The following CREB5 variants were observed in gnomAD, a reference collection of about 807,000 sequenced individuals.
The protein encoded by CREB5 is cyclic AMP-responsive element-binding protein 5.
CREB5 carries 19 observed loss-of-function variants against 57.1 expected under a neutral mutation model. The ratio of observed to expected loss-of-function variants is 0.33; its 90% CI spans 0.23 to 0.49. CREB5 has a LOEUF of 0.49. CREB5 is among the 20% of genes least tolerant of loss of function. The pLI, the probability that CREB5 is intolerant of heterozygous loss-of-function variation, is 0.99. For synonymous variants in CREB5, 238 were observed against 238.3 expected (o/e 1.00, Z 0.01); for missense variants, 579 against 671.6 (o/e 0.86, Z 1.52).
chr7:28,553,291 A>G (rs1400475898), intron 4 of CREB5, among the ~76,000 whole-genome samples: 2 of 152,190 alleles, frequency 1.3e-5, no homozygotes, highest in East Asian at 3.8e-4. Context: ...TTTTGTGTAA[A>G]CATGTTGCTT....
At chr7:28,686,310 C>G in intron 5 of CREB5, 2 of 754,778 alleles carry the variant, frequency 2.6e-6, no homozygotes, top group Non-Finnish European at 4.5e-6. Context: ...TTTTCTCCCC[C>G]TTCTCCCTTT....
upstream of CREB5, among the ~76,000 whole-genome samples, chr7:28,411,133 A>G (rs1787779146): frequency 6.6e-6 from 1 of 152,182 alleles, no homozygotes; most frequent in Admixed American, 6.5e-5. Flanking sequence ...TAGGGCGAAA[A>G]TGCTTAGTCC....
intron 4 of CREB5, among the ~76,000 whole-genome samples, chr7:28,534,253 T>C (rs893711456): frequency 1.3e-5 from 2 of 152,248 alleles, no homozygotes; most frequent in Admixed American, 1.3e-4. Flanking sequence ...GAGATTACTC[T>C]GTGTGCTGAA....
At chr7:28,324,523 C>T (rs549772172) in intron 1 of CREB5, among the ~76,000 whole-genome samples, 1 of 152,328 alleles carries the variant, frequency 6.6e-6, no homozygotes, top group Admixed American at 6.5e-5. Flanking sequence ...TCCCACCTCA[C>T]TAGCTATTCC....
intron 1 of CREB5, among the ~76,000 whole-genome samples, chr7:28,438,375 G>A (rs959517669): frequency 1.3e-5 from 2 of 152,070 alleles, no homozygotes; most frequent in African/African-American, 4.8e-5. Context: ...GGGGGGTGTC[G>A]GGGCCACTGA....
intron 5 of CREB5, among the ~76,000 whole-genome samples, chr7:28,643,066 C>A (rs1427506088): frequency 6.6e-6 from 1 of 150,574 alleles, no homozygotes; most frequent in Non-Finnish European, 1.5e-5. Context: ...CTTCTAAAGA[C>A]CCTTTGAGAA....
chr7:28,809,312 G>T lies in CREB5; in HGVS notation c.1152G>T (p.Arg384=). 1 of 1,614,184 alleles carries T rather than the reference G, an allele frequency of 6.2e-7. No homozygotes were observed. Among genetic ancestry groups the T allele is most frequent in the Non-Finnish European group, 8.5e-7 (1 of 1,180,044 alleles). ...AGAGGCGGCGGAAATTTCTGGAACGGAACCGGGCAGCTGCCACCCGCTGCA... is the reference window on the plus strand; with the variant it reads ...AGAGGCGGCGGAAATTTCTGGAACGTAACCGGGCAGCTGCCACCCGCTGCA... ...PDERRRKFLE[R]NRAAATRCRQ... is the part of the protein sequence containing the mutation. Residue 384 remains arginine, a synonymous_variant, in exon 9 of 11, where the codon CGG becomes CGT. Transcript: ENST00000357727.
intron 1 of CREB5, among the ~76,000 whole-genome samples, chr7:28,317,781 G>A (rs779436270): frequency 1.2e-4 from 18 of 152,152 alleles, no homozygotes; most frequent in African/African-American, 3.1e-4. Context: ...TTATTGTTCC[G>A]TACATGTCAG....
chr7:28,423,525 C>A (rs1246260398), intron 1 of CREB5, among the ~76,000 whole-genome samples: 1 of 152,040 alleles, frequency 6.6e-6, no homozygotes, highest in Non-Finnish European at 1.5e-5. Context: ...ATGTAAGAGG[C>A]AAGAGCAGTA....
chr7:28,606,373 G>T (rs1797131123), intron 5 of CREB5, among the ~76,000 whole-genome samples: 1 of 150,978 alleles, frequency 6.6e-6, no homozygotes, highest in African/African-American at 2.5e-5. Flanking sequence ...TTATTAAAAA[G>T]TGTGAATAAT....
At chr7:28,528,077 C>T (rs1029807029) in intron 4 of CREB5, among the ~76,000 whole-genome samples, 2 of 152,212 alleles carry the variant, frequency 1.3e-5, no homozygotes, top group Non-Finnish European at 2.9e-5. Flanking sequence ...AATATACTTA[C>T]TAAATGGAAA....
intron 7 of CREB5, among the ~76,000 whole-genome samples, chr7:28,769,678 T>C (rs1309238709): frequency 6.6e-6 from 1 of 152,208 alleles, no homozygotes. Flanking sequence ...GGAAGTCTCC[T>C]TGGGTACCTG....
At chr7:28,329,154 G>A (rs1293914931) in intron 1 of CREB5, among the ~76,000 whole-genome samples, 3 of 152,202 alleles carry the variant, frequency 2.0e-5, no homozygotes, top group African/African-American at 7.2e-5. Flanking sequence ...CTTAATAGAT[G>A]AATAGGGATT....
intron 5 of CREB5, among the ~76,000 whole-genome samples, chr7:28,655,472 A>T (rs1562552498): frequency 6.6e-6 from 1 of 151,990 alleles, no homozygotes; most frequent in Non-Finnish European, 1.5e-5. Flanking sequence ...TTAGCCAGGC[A>T]TTGTGGCACA....
Position 28,686,518 on chromosome 7 carries a change from A to G in CREB5, c.465-32235A>G, listed in dbSNP as rs541519172. ...AAGCAGAGCAAACCAAAGCAACCAG[A>G]GCAAAAGGGCCACAAATAAAGAGCG... On this transcript the variant is annotated intron_variant, in intron 5 of 10. Coordinates refer to ENST00000357727, the MANE Select transcript of CREB5 (RefSeq NM_182898.4). 6.6e-5 allele frequency among the ~76,000 whole-genome samples: 10 copies of G among 151,610 alleles called. No individual in the cohort carries two copies. The South Asian group carries it at 2.1e-3, about 32-fold the overall frequency.
At chr7:28,516,930 T>C (rs1448208766) in intron 4 of CREB5, among the ~76,000 whole-genome samples, 1 of 151,804 alleles carries the variant, frequency 6.6e-6, no homozygotes, top group Non-Finnish European at 1.5e-5. Context: ...GCACACAGAG[T>C]GGGGTGTGTA....
Position 28,417,768 on chromosome 7 carries a change from G to C in CREB5, c.3+4851G>C, listed in dbSNP as rs187733963. ...TAAAGCGTTCATTCAGAGTTCAAGGGCAGCAAGCAGTTGTTACAAGCATGC... is the reference window on the plus strand; with the variant it reads ...TAAAGCGTTCATTCAGAGTTCAAGGCCAGCAAGCAGTTGTTACAAGCATGC... On this transcript the variant is annotated intron_variant, in intron 1 of 10. Coordinates refer to ENST00000357727, the MANE Select transcript of CREB5 (RefSeq NM_182898.4). 4.1e-4 allele frequency among the ~76,000 whole-genome samples: 63 copies of C among 152,244 alleles called. No homozygotes were observed. In the East Asian group the frequency reaches 0.011, roughly 26 times the overall value.
chr7:28,610,920 G>A (rs545032378), intron 5 of CREB5, among the ~76,000 whole-genome samples: 378 of 151,726 alleles, frequency 2.5e-3, no homozygotes, highest in African/African-American at 8.7e-3. Flanking sequence ...AGAGAGAGAG[G>A]GAGTCGTTTA....
chr7:28,320,041 A>G (rs1233414342), intron 1 of CREB5, among the ~76,000 whole-genome samples: 2 of 151,916 alleles, frequency 1.3e-5, no homozygotes, highest in Non-Finnish European at 2.9e-5. Flanking sequence ...AGTGGTTCTC[A>G]TACCTCAGCC....
Sources: gnomAD v4.1 joint callset for allele counts (sites outside exome capture counted in the v4.1 genomes callset) on GRCh38, gnomAD v4.1.1 for gene constraint, MANE v1.5 for transcripts, NCBI Gene and HGNC (gene_info 2026-07-23, HGNC 2026-07-21) for gene names.